GALNTL6: variants seen among roughly 807,000 people sequenced by gnomAD.
GALNTL6 encodes polypeptide N-acetylgalactosaminyltransferase like 6, also known as polypeptide N-acetylgalactosaminyltransferase-like 6.
GALNTL6 carries 46 observed loss-of-function variants against 73.7 expected under a neutral mutation model. The ratio of observed to expected loss-of-function variants is 0.62; its 90% CI spans 0.49 to 0.80. The LOEUF (loss-of-function observed/expected upper bound fraction) is 0.80, where lower values mean the gene tolerates loss of function less well. GALNTL6 is among the 30% of genes least tolerant of loss of function. The pLI is 0.00. For synonymous variants in GALNTL6, 259 were observed against 263.7 expected (o/e 0.98, Z 0.17); for missense variants, 604 against 755.0 (o/e 0.80, Z 2.34).
At chr4:172,248,309 T>A (rs558800075) in intron 3 of GALNTL6, among the ~76,000 whole-genome samples, 1 of 152,352 alleles carries the variant, frequency 6.6e-6, no homozygotes, top group African/African-American at 2.4e-5. Context: ...AGCAGCTTTG[T>A]AGATGCACAG....
chr4:171,899,945 G>T (rs17057559), intron 2 of GALNTL6, among the ~76,000 whole-genome samples: 3,042 of 152,236 alleles, frequency 0.02, 89 homozygotes, highest in African/African-American at 0.069. Flanking sequence ...CATTTGGTAA[G>T]TCAAGACCTC....
chr4:172,108,305 T>G (rs1732744636), intron 2 of GALNTL6, among the ~76,000 whole-genome samples: 1 of 152,186 alleles, frequency 6.6e-6, no homozygotes, highest in African/African-American at 2.4e-5. Flanking sequence ...GGTAGGGTTC[T>G]CTCTATAATA....
chr4:172,927,872 A>G (rs7678191), intron 8 of GALNTL6, among the ~76,000 whole-genome samples: 12,410 of 152,202 alleles, frequency 0.082, 639 homozygotes, highest in Non-Finnish European at 0.12. Context: ...CTAAGAATTC[A>G]TAAGCCCACC....
intron 5 of GALNTL6, among the ~76,000 whole-genome samples, chr4:172,662,516 G>T (rs1731429773): frequency 6.6e-6 from 1 of 152,186 alleles, no homozygotes; most frequent in Admixed American, 6.5e-5. Flanking sequence ...TCAGTCAACG[G>T]GAAACCTGGA....
In GALNTL6 at chr4:171,844,454, T is replaced by C. The variant is rs116726937; in HGVS notation, c.138+29736T>C. On this transcript the variant is annotated intron_variant, in intron 2 of 12. Coordinates refer to ENST00000506823, the MANE Select transcript of GALNTL6 (RefSeq NM_001034845.3). ...TTTTGATGTCTGCCAAATTTCTGTGTAGATTGTAAAACTCTTGGTGACATT... is the reference window on the plus strand; with the variant it reads ...TTTTGATGTCTGCCAAATTTCTGTGCAGATTGTAAAACTCTTGGTGACATT... Among the ~76,000 whole-genome samples, 1,186 of 152,306 alleles carry C rather than the reference T, an allele frequency of 7.8e-3. 22 individuals are homozygous for C. Among genetic ancestry groups the C allele is most frequent in the African/African-American group, 0.027 (1,127 of 41,582 alleles).
intron 2 of GALNTL6, among the ~76,000 whole-genome samples, chr4:172,196,024 A>T (rs1364142304): frequency 8.8e-4 from 114 of 130,172 alleles, no homozygotes; most frequent in East Asian, 6.4e-3. Flanking sequence ...TTTTTTTTTT[A>T]AATTAATAAA....
chr4:172,391,617 A>G (rs1480022347), intron 5 of GALNTL6, among the ~76,000 whole-genome samples: 1 of 152,152 alleles, frequency 6.6e-6, no homozygotes, highest in Non-Finnish European at 1.5e-5. Flanking sequence ...TGGCCATTAC[A>G]TTTCAACATC....
intron 5 of GALNTL6, among the ~76,000 whole-genome samples, chr4:172,552,859 G>GAAAAAAACT: frequency 3.1e-5 from 1 of 32,298 alleles, no homozygotes; most frequent in South Asian, 1.3e-3. Context: ...AAAAAAAAAG[G>GAAAAAAACT]TAAAAACCGC....
chr4:172,047,640 A>G (rs947381507), intron 2 of GALNTL6, among the ~76,000 whole-genome samples: 3 of 152,202 alleles, frequency 2.0e-5, no homozygotes, highest in Non-Finnish European at 4.4e-5. Flanking sequence ...TGCAGTCAAT[A>G]TCATTATTAA....
chr4:172,138,420 T>G (rs1362212344), intron 2 of GALNTL6, among the ~76,000 whole-genome samples: 1 of 127,186 alleles, frequency 7.9e-6, no homozygotes, highest in Non-Finnish European at 1.6e-5. Flanking sequence ...CCTTTTTTTT[T>G]GCCAACTATC....
intron 5 of GALNTL6, among the ~76,000 whole-genome samples, chr4:172,762,671 C>T (rs1320340087): frequency 6.6e-6 from 1 of 151,340 alleles, no homozygotes; most frequent in Non-Finnish European, 1.5e-5. Context: ...ATATAGAAGC[C>T]TTGCACATTA....
At chr4:172,549,387 G>A (rs1735880765) in intron 5 of GALNTL6, among the ~76,000 whole-genome samples, 1 of 152,164 alleles carries the variant, frequency 6.6e-6, no homozygotes, top group South Asian at 2.1e-4. Flanking sequence ...CTAGGAGACT[G>A]CCTACTGCCT....
At chr4:173,028,678 G>A (rs1448093858) in intron 12 of GALNTL6, among the ~76,000 whole-genome samples, 1 of 152,246 alleles carries the variant, frequency 6.6e-6, no homozygotes, top group Non-Finnish European at 1.5e-5. Flanking sequence ...TTCAATTATT[G>A]ATATGAGCCC....
At chr4:171,941,683 T>G (rs949837926) in intron 2 of GALNTL6, among the ~76,000 whole-genome samples, 2 of 152,054 alleles carry the variant, frequency 1.3e-5, no homozygotes, top group Admixed American at 1.3e-4. Flanking sequence ...AAAAGGAACC[T>G]GATTCAACAG....
chr4:172,179,883 G>C lies in GALNTL6; in HGVS notation c.139-49773G>C, dbSNP rs1449068581. Among the ~76,000 whole-genome samples, 6 of 152,226 alleles carry C rather than the reference G, an allele frequency of 3.9e-5. No homozygotes were observed. In the South Asian group the frequency reaches 1.2e-3, roughly 32 times the overall value. ...GGGTTGGTTCCAAGTCTTTGCTATT[G>C]TGAACAGTGCTGCAATAAACATACA... On this transcript the variant is annotated intron_variant, in intron 2 of 12. Coordinates refer to ENST00000506823, the MANE Select transcript of GALNTL6 (RefSeq NM_001034845.3).
chr4:172,410,031 CTAAT>C (rs979359501), intron 5 of GALNTL6, among the ~76,000 whole-genome samples: 9 of 151,854 alleles, frequency 5.9e-5, no homozygotes, highest in Admixed American at 3.9e-4. Context: ...ACATGTTATG[CTAAT>C]TATTCTAGAA....
chr4:172,890,333 A>T (rs2111210939), intron 8 of GALNTL6, among the ~76,000 whole-genome samples: 1 of 151,920 alleles, frequency 6.6e-6, no homozygotes, highest in South Asian at 2.1e-4. Flanking sequence ...AGTTCCTCTA[A>T]GTGTAATGTT....
At chr4:172,958,655 A>T (rs1055338629) in intron 10 of GALNTL6, among the ~76,000 whole-genome samples, 18 of 152,270 alleles carry the variant, frequency 1.2e-4, no homozygotes, top group Middle Eastern at 6.8e-3. Flanking sequence ...GTGTGTTTTT[A>T]TGAGAATTAT....
At chr4:171,933,999 A>G (rs894840990) in intron 2 of GALNTL6, among the ~76,000 whole-genome samples, 3 of 152,196 alleles carry the variant, frequency 2.0e-5, no homozygotes, top group African/African-American at 7.2e-5. Flanking sequence ...TAAAATTTAC[A>G]TTCCTGGACT....
Sources: allele counts gnomAD v4.1 joint callset (sites outside exome capture counted in the v4.1 genomes callset), GRCh38; gene constraint gnomAD v4.1.1; transcripts MANE v1.5; gene names NCBI Gene and HGNC (gene_info 2026-07-23, HGNC 2026-07-21).